HIVEP2: variants seen among roughly 807,000 people sequenced by gnomAD.
HIVEP2 encodes the protein transcription factor HIVEP2.
In HIVEP2, 14 loss-of-function variants were observed where a neutral mutation model predicts 180.7. The observed-to-expected ratio is 0.08, with a 90% CI of 0.05 to 0.12. The LOEUF is 0.12. Among genes scored for constraint, HIVEP2 ranks in the 10% least tolerant of loss-of-function variants. HIVEP2 has a pLI of 1.00. For synonymous variants in HIVEP2, 1,184 were observed against 1,136.4 expected (o/e 1.04, Z -0.84); for missense variants, 2,579 against 3,008.5 (o/e 0.86, Z 3.34).
At chr6:142,901,265 A>G (rs1418667101) in intron 1 of HIVEP2, among the ~76,000 whole-genome samples, 1 of 152,216 alleles carries the variant, frequency 6.6e-6, no homozygotes, top group Admixed American at 6.5e-5. Flanking sequence ...GCAAAGTACA[A>G]ATCAATTCAT....
At chr6:142,856,204 T>TAA (rs111541153) in intron 1 of HIVEP2, among the ~76,000 whole-genome samples, 26,206 of 146,932 alleles carry the variant, frequency 0.18, 2,404 homozygotes, top group South Asian at 0.22. Flanking sequence ...AGCAAGGGGT[T>TAA]AAAAAAAAAA....
intron 1 of HIVEP2, among the ~76,000 whole-genome samples, chr6:142,894,288 G>A (rs1408629016): frequency 6.6e-6 from 1 of 152,026 alleles, no homozygotes; most frequent in African/African-American, 2.4e-5. Flanking sequence ...TGTCTTTCAG[G>A]TACTATCTTT....
Position 142,940,983 on chromosome 6 carries a change from A to G in HIVEP2, c.-641+4116T>C, listed in dbSNP as rs551021409. ...GCACTTTCTCAAATAGATGTAAACA[A>G]TTAGATCCCAAATTTTAAGGAGGTT... On this transcript the variant is annotated intron_variant, in intron 1 of 9. Coordinates refer to ENST00000367603, the MANE Select transcript of HIVEP2 (RefSeq NM_006734.4). Among the ~76,000 whole-genome samples the G allele has an allele frequency of 2.6e-5, 4 of 152,326 alleles. No individual in the cohort carries two copies. In the South Asian group the frequency reaches 8.3e-4, roughly 32 times the overall value.
intron 7 of HIVEP2, among the ~76,000 whole-genome samples, 156 bp from the exon 8 acceptor site, chr6:142,761,721 A>C (rs1303946818): frequency 6.6e-6 from 1 of 152,210 alleles, no homozygotes; most frequent in African/African-American, 2.4e-5. Context: ...TTTCAACCTT[A>C]AGAAGAATAA....
chr6:142,907,026 G>A (rs6570533), intron 1 of HIVEP2, among the ~76,000 whole-genome samples: 87,732 of 151,942 alleles, frequency 0.58, 25,508 homozygotes, highest in Admixed American at 0.63. Flanking sequence ...AACAATGACT[G>A]TTCCACAGGA....
intron 1 of HIVEP2, among the ~76,000 whole-genome samples, chr6:142,842,800 T>A (rs78406215): frequency 7.2e-6 from 1 of 137,952 alleles, no homozygotes; most frequent in Non-Finnish European, 1.5e-5. Context: ...TAGTATAAGA[T>A]TTTTTTTTAA....
intron 1 of HIVEP2, among the ~76,000 whole-genome samples, chr6:142,904,678 C>T (rs1463176341): frequency 1.3e-5 from 2 of 152,108 alleles, no homozygotes; most frequent in East Asian, 3.8e-4. Flanking sequence ...ATAAACAGCC[C>T]TTTTTACCCT....
chr6:142,846,383 C>T (rs1015647223), intron 1 of HIVEP2, among the ~76,000 whole-genome samples: 2 of 152,248 alleles, frequency 1.3e-5, no homozygotes, highest in African/African-American at 4.8e-5. Flanking sequence ...CGGCCAGCGG[C>T]CACTGTCTAA....
At chr6:142,877,234 A>G (rs147665570) in intron 1 of HIVEP2, among the ~76,000 whole-genome samples, 1 of 152,312 alleles carries the variant, frequency 6.6e-6, no homozygotes, top group Non-Finnish European at 1.5e-5. Flanking sequence ...CAACCTGTGC[A>G]CTAACAAGCT....
intron 9 of HIVEP2, 131 bp downstream of exon 9, chr6:142,759,641 T>C (rs1425084126): frequency 1.4e-6 from 1 of 735,780 alleles, no homozygotes; most frequent in Non-Finnish European, 2.3e-6. Flanking sequence ...GTCTCCCCGC[T>C]ATTTTCATTA....
At chr6:142,889,259 CCAGGAGAT>C (rs1278291615) in intron 1 of HIVEP2, among the ~76,000 whole-genome samples, 3 of 151,984 alleles carry the variant, frequency 2.0e-5, no homozygotes, top group African/African-American at 7.3e-5. Flanking sequence ...TCTCTTGAGT[CCAGGAGAT>C]GGAGACCAGC....
At chr6:142,891,296 T>A (rs1776854590) in intron 1 of HIVEP2, among the ~76,000 whole-genome samples, 2 of 152,150 alleles carry the variant, frequency 1.3e-5, no homozygotes, top group South Asian at 4.1e-4. Context: ...TGTTTCTCAT[T>A]TCCAAAGGAG....
intron 1 of HIVEP2, among the ~76,000 whole-genome samples, chr6:142,882,038 C>T (rs1457675916): frequency 1.3e-5 from 2 of 152,190 alleles, no homozygotes; most frequent in Non-Finnish European, 2.9e-5. Context: ...TACCCAGAGT[C>T]ATCACGCTCT....
chr6:142,878,110 C>T (rs756749004), intron 1 of HIVEP2, among the ~76,000 whole-genome samples: 1 of 152,068 alleles, frequency 6.6e-6, no homozygotes, highest in Non-Finnish European at 1.5e-5. Flanking sequence ...TTGATATTCT[C>T]GGCAATTGTC....
At chr6:142,839,265 C>T (rs1193787834) in intron 1 of HIVEP2, among the ~76,000 whole-genome samples, 3 of 152,062 alleles carry the variant, frequency 2.0e-5, no homozygotes, top group Non-Finnish European at 2.9e-5. Context: ...GGCCTACAAT[C>T]GCTACACCAT....
chr6:142,828,835 C>G (rs1382851544), intron 2 of HIVEP2, among the ~76,000 whole-genome samples: 2 of 152,126 alleles, frequency 1.3e-5, no homozygotes, highest in African/African-American at 4.8e-5. Context: ...GGCTGGCTTT[C>G]CATAAATGTT....
chr6:142,753,198 T>C lies in HIVEP2; in HGVS notation c.7250A>G (p.Asp2417Gly). The C allele has an allele frequency of 6.2e-7, 1 of 1,613,878 alleles. No homozygotes were observed. Among genetic ancestry groups the C allele is most frequent in the Non-Finnish European group, 8.5e-7 (1 of 1,179,716 alleles). The stretch of plus-strand genomic sequence containing the variant: ...GCTGCTGTGAAAGTCCAACTGCTTG[T>C]CATCCACACAACTCTTGCTGTAAAA... ...STFYSKSCVD[D>G]KQLDFHSSKE... is the part of the protein sequence containing the mutation. The change falls in exon 10 of 10, where the codon GAC becomes GGC. Residue 2417 changes from aspartate to glycine, a missense_variant. This residue lies in a region of HIVEP2 where 660 missense variants were observed against 731.7 expected (regional missense o/e 0.90). Transcript: ENST00000367603.
At chr6:142,817,305 C>A (rs550156391) in intron 2 of HIVEP2, among the ~76,000 whole-genome samples, 2 of 152,300 alleles carry the variant, frequency 1.3e-5, no homozygotes, top group South Asian at 4.1e-4. Context: ...CTAGAAAAAA[C>A]ACACTTTCAG....
chr6:142,927,911 T>C (rs575526085), intron 1 of HIVEP2, among the ~76,000 whole-genome samples: 58 of 152,380 alleles, frequency 3.8e-4, no homozygotes, highest in African/African-American at 1.3e-3. Flanking sequence ...AATAGTTTAA[T>C]TTCAGCTTGT....
Sources: allele counts gnomAD v4.1 joint callset (sites outside exome capture counted in the v4.1 genomes callset), GRCh38; gene constraint gnomAD v4.1.1; regional missense constraint gnomAD v4.1.1; transcripts MANE v1.5; gene names NCBI Gene and HGNC (gene_info 2026-07-23, HGNC 2026-07-21).